Variants in TCERG1L observed in about 807,000 individuals in gnomAD.
TCERG1L encodes the protein transcription elongation regulator 1-like protein.
In TCERG1L, 37 loss-of-function variants were observed where a neutral mutation model predicts 56.3. That is an observed-to-expected ratio of 0.66 (90% CI 0.51 to 0.87). TCERG1L has a LOEUF of 0.87. Ranked by LOEUF, TCERG1L falls within the 40% of genes least tolerant of loss-of-function variation. TCERG1L has a pLI of 0.00. For synonymous variants in TCERG1L, 324 were observed against 326.3 expected, an observed-to-expected ratio of 0.99 and a Z score of 0.08; for missense variants, 799 against 774.2, an observed-to-expected ratio of 1.03 and a Z score of -0.38.
At chr10:131,250,849 T>C (rs1846102243) in intron 4 of TCERG1L, among the ~76,000 whole-genome samples, 1 of 152,164 alleles carries the variant, frequency 6.6e-6, no homozygotes, top group African/African-American at 2.4e-5. Flanking sequence ...TGGGGTCTCC[T>C]TAGCTGGGTG....
At chr10:131,132,180 C>T (rs910813491) in intron 8 of TCERG1L, among the ~76,000 whole-genome samples, 8 of 152,262 alleles carry the variant, frequency 5.3e-5, no homozygotes, top group South Asian at 2.1e-4. Context: ...ATGCGCAGGA[C>T]GGGATGGGCG....
chr10:131,216,125 C>T (rs1298414029), intron 4 of TCERG1L, among the ~76,000 whole-genome samples: 4 of 152,192 alleles, frequency 2.6e-5, no homozygotes, highest in African/African-American at 9.6e-5. Context: ...AACAGTTTCA[C>T]ATTAGCAAAA....
chr10:131,149,095 G>A (rs756326705), intron 6 of TCERG1L, among the ~76,000 whole-genome samples: 1 of 152,260 alleles, frequency 6.6e-6, no homozygotes, highest in Non-Finnish European at 1.5e-5. Context: ...GCCTCCCCTC[G>A]CTGGTGGCCT....
intron 11 of TCERG1L, among the ~76,000 whole-genome samples, chr10:131,094,874 C>T (rs1845225187): frequency 6.6e-6 from 1 of 152,256 alleles, no homozygotes; most frequent in South Asian, 2.1e-4. Context: ...CAGGCATCTA[C>T]ACATTCTCAG....
intron 2 of TCERG1L, 35 bp downstream of exon 2, chr10:131,309,118 A>G: frequency 6.3e-7 from 1 of 1,582,002 alleles, no homozygotes; most frequent in East Asian, 2.3e-5. Context: ...AATCATTAAA[A>G]GCCCCTTATC....
chr10:131,227,086 CT>C (rs1455261906), intron 4 of TCERG1L, among the ~76,000 whole-genome samples: 2 of 152,232 alleles, frequency 1.3e-5, no homozygotes, highest in Non-Finnish European at 1.5e-5. Flanking sequence ...TCACAGGACC[CT>C]GGAGAGAGCG....
At chr10:131,237,583 C>T (rs1252804876) in intron 4 of TCERG1L, among the ~76,000 whole-genome samples, 5 of 146,322 alleles carry the variant, frequency 3.4e-5, no homozygotes, top group South Asian at 4.1e-4. Context: ...ATTTCAGATA[C>T]TCACATACAA....
At chr10:131,113,115 C>T (rs1845426535) in intron 9 of TCERG1L, among the ~76,000 whole-genome samples, 1 of 143,170 alleles carries the variant, frequency 7.0e-6, no homozygotes, top group African/African-American at 2.5e-5. Flanking sequence ...ATCTTCAGTG[C>T]TCAGAGTATT....
At position 131,101,135 on chromosome 10, in the gene TCERG1L, C is replaced by A. The variant is rs530287148; in HGVS notation, c.1486-2711G>T. On this transcript the variant is annotated intron_variant, in intron 10 of 11. Transcript: ENST00000368642. The stretch of plus-strand genomic sequence containing the variant: ...TTTGCAGAGGACCAGCCCAGGCAGG[C>A]CCAACTCCATCAGGGTTGGCATCTG... Among the ~76,000 whole-genome samples, 5 of 152,238 alleles carry A rather than the reference C, an allele frequency of 3.3e-5. No individual in the cohort carries two copies. In the South Asian group the frequency reaches 1.0e-3, roughly 32 times the overall value.
intron 3 of TCERG1L, among the ~76,000 whole-genome samples, chr10:131,264,713 G>A (rs1846268494): frequency 6.6e-6 from 1 of 152,232 alleles, no homozygotes; most frequent in South Asian, 2.1e-4. Flanking sequence ...GCCTTGGGCA[G>A]AGGTCCTCCA....
intron 4 of TCERG1L, among the ~76,000 whole-genome samples, chr10:131,213,941 T>G (rs974632784): frequency 3.9e-5 from 6 of 152,140 alleles, no homozygotes; most frequent in African/African-American, 1.4e-4. Flanking sequence ...CATCCCACAG[T>G]CCCGGCAGTT....
chr10:131,265,158 AC>A (rs1483708877), intron 3 of TCERG1L, among the ~76,000 whole-genome samples: 1 of 152,220 alleles, frequency 6.6e-6, no homozygotes, highest in East Asian at 1.9e-4. Flanking sequence ...TTTACAAGGA[AC>A]AGATACTAAG....
chr10:131,246,118 T>C (rs2133527114), intron 4 of TCERG1L, among the ~76,000 whole-genome samples: 1 of 152,218 alleles, frequency 6.6e-6, no homozygotes, highest in East Asian at 1.9e-4. Context: ...ACAGGGCCCA[T>C]CCCCTGGCTG....
At chr10:131,203,888 G>A (rs899194783) in intron 4 of TCERG1L, among the ~76,000 whole-genome samples, 10 of 152,338 alleles carry the variant, frequency 6.6e-5, no homozygotes, top group African/African-American at 2.4e-4. Context: ...AACCCAGCTG[G>A]GAGGGGAGAG....
intron 3 of TCERG1L, among the ~76,000 whole-genome samples, chr10:131,291,677 C>T (rs1274524768): frequency 5.3e-5 from 8 of 151,702 alleles, no homozygotes; most frequent in African/African-American, 1.5e-4. Context: ...CCGCCCGTCT[C>T]GGCCTCCCAA....
chr10:131,129,573 T>C (rs1845597030), intron 8 of TCERG1L, among the ~76,000 whole-genome samples: 2 of 152,182 alleles, frequency 1.3e-5, no homozygotes, highest in African/African-American at 4.8e-5. Context: ...ATGTTTGTTT[T>C]TTCATATATT....
chr10:131,311,238 C>A lies in TCERG1L; in HGVS notation c.342+56G>T. ...GGCCAGAGCCGGGCCGGGCAGGGCG[C>A]GCCCAGGAGCAGGGGAGACGGCGAC... On this transcript the variant is annotated intron_variant, in intron 1 of 11. Transcript: ENST00000368642. This position sits in a 1 kb window ranked among gnomAD's most constrained non-coding sequence, Gnocchi z 4.0. The A allele has an allele frequency of 8.5e-7, 1 of 1,176,964 alleles. No homozygotes were observed. The highest frequency in any genetic ancestry group is 1.1e-6 in the Non-Finnish European group (1 of 948,578). 72.9% of individuals were successfully genotyped at this position (1,176,964 alleles called of 1,614,324 possible). A position where few individuals can be genotyped will look rare whatever the true frequency, so the allele number is the denominator to read the frequency against.
chr10:131,111,464 A>G (rs1389932183), intron 9 of TCERG1L, among the ~76,000 whole-genome samples: 2 of 143,312 alleles, frequency 1.4e-5, no homozygotes, highest in African/African-American at 2.5e-5. Flanking sequence ...AACAAAATGT[A>G]TTTATTTACT....
Position 131,146,533 on chromosome 10 carries a change from G to C in TCERG1L, c.1162C>G (p.His388Asp). Reference protein sequence around the residue: ...DLNRIIEDPPHKRKLEAPATD... With the variant: ...DLNRIIEDPPDKRKLEAPATD... ...GCTGGTGCCTCCAGCTTGCGTTTGT[G>C]GGGCGGGTCCTCAATGATCCTGTTG... The change falls in exon 7 of 12, where the codon CAC becomes GAC. Residue 388 changes from histidine (H) to aspartate (D), a missense_variant. Transcript: ENST00000368642. The C allele has an allele frequency of 6.2e-7, 1 of 1,611,418 alleles. No individual in the cohort carries two copies. Among genetic ancestry groups the C allele is most frequent in the Non-Finnish European group, 8.5e-7 (1 of 1,178,204 alleles).
Sources: gnomAD v4.1 joint callset for allele counts (sites outside exome capture counted in the v4.1 genomes callset) on GRCh38, gnomAD v4.1.1 for gene constraint, Gnocchi (gnomAD v3.1) non-coding constraint, MANE v1.5 for transcripts, NCBI Gene and HGNC (gene_info 2026-07-23, HGNC 2026-07-21) for gene names.